Variants in TLE4 observed in about 807,000 individuals in gnomAD.
TLE4 encodes transducin-like enhancer protein 4.
In TLE4, 8 loss-of-function variants were observed where a neutral mutation model predicts 92.8. The ratio of observed to expected loss-of-function variants is 0.09; its 90% CI spans 0.05 to 0.16. TLE4 has a LOEUF of 0.16. Among genes scored for constraint, TLE4 ranks in the 10% least tolerant of loss-of-function variants. The pLI, the probability that TLE4 is intolerant of heterozygous loss-of-function variation, is 1.00. For synonymous variants in TLE4, 371 were observed against 374.1 expected (o/e 0.99, Z 0.10); for missense variants, 675 against 997.6 (o/e 0.68, Z 4.36).
chr9:79,593,897 A>G (rs1305993967), intron 4 of TLE4, among the ~76,000 whole-genome samples: 2 of 152,222 alleles, frequency 1.3e-5, no homozygotes, highest in Admixed American at 1.3e-4. Context: ...TCAACTCCTT[A>G]TAGGCAATAC....
chr9:79,702,857 C>T (rs1291344500), intron 8 of TLE4, among the ~76,000 whole-genome samples: 1 of 152,132 alleles, frequency 6.6e-6, no homozygotes, highest in Non-Finnish European at 1.5e-5. Context: ...GAAGAAAGAC[C>T]ATCAATCTTC....
At chr9:79,709,739 C>T (rs1372323032) in intron 14 of TLE4, 40 bp downstream of exon 14, 1 of 1,580,130 alleles carries the variant, frequency 6.3e-7, no homozygotes, top group Non-Finnish European at 8.7e-7. Flanking sequence ...GTGTGTCAAA[C>T]TCAGGTCCCT....
intron 4 of TLE4, among the ~76,000 whole-genome samples, chr9:79,594,568 A>G (rs1266955303): frequency 1.3e-5 from 2 of 151,796 alleles, no homozygotes; most frequent in Non-Finnish European, 2.9e-5. Context: ...TATTGAAGTC[A>G]TTTTAATAGT....
chr9:79,665,733 T>C (rs1295897733), intron 8 of TLE4, among the ~76,000 whole-genome samples: 2 of 151,646 alleles, frequency 1.3e-5, no homozygotes, highest in African/African-American at 4.8e-5. Context: ...ATATTTATCA[T>C]CTGATTTTTT....
chr9:79,630,476 G>A (rs2133647343), intron 6 of TLE4, among the ~76,000 whole-genome samples: 1 of 152,232 alleles, frequency 6.6e-6, no homozygotes, highest in East Asian at 1.9e-4. Context: ...TCCCATCGTT[G>A]ATATTTTGTG....
intron 6 of TLE4, among the ~76,000 whole-genome samples, chr9:79,644,438 C>A (rs899687728): frequency 2.1e-4 from 32 of 152,150 alleles, no homozygotes; most frequent in African/African-American, 7.2e-4. Flanking sequence ...TCATACAATT[C>A]TTCCAGCAAC....
Position 79,574,860 on chromosome 9 carries a change from A to T in TLE4, c.144-13A>T. ...AAGATCATTGTACTTAGAGTATCTT[A>T]TGTCTTGAACAGTCTGAAGCTGGAA... On this transcript the variant is annotated splice_polypyrimidine_tract_variant and intron_variant, in intron 2 of 19. Transcript: ENST00000376552. 1 of 1,610,596 alleles carries T rather than the reference A, an allele frequency of 6.2e-7. No homozygotes were observed. The highest frequency in any genetic ancestry group is 1.7e-4 in the Middle Eastern group (1 of 6,052).
intron 1 of TLE4, chr9:79,573,376 G>C: frequency 8.6e-7 from 1 of 1,163,846 alleles, no homozygotes; most frequent in Non-Finnish European, 1.1e-6. Context: ...TCCGGGTGAG[G>C]AGGGAGTGGG....
chr9:79,572,129 A>C lies in TLE4; in HGVS notation c.-662A>C, dbSNP rs910698450. ...AAGCGTTTCACTCTTTTATTTTTAT[A>C]ATCCCCTTCAATTTGGGGTTAAAAA... On this transcript the variant is annotated 5_prime_UTR_variant, in exon 1 of 20. Transcript: ENST00000376552. The C allele has an allele frequency of 6.6e-6, 1 of 152,076 alleles. No individual in the cohort carries two copies. Among genetic ancestry groups the C allele is most frequent in the Non-Finnish European group, 1.5e-5 (1 of 68,010 alleles). 9.4% of individuals were successfully genotyped at this position (152,076 alleles called of 1,614,324 possible). A position where few individuals can be genotyped will look rare whatever the true frequency, so the allele number is the denominator to read the frequency against.
chr9:79,698,829 A>T (rs932351516), intron 8 of TLE4, among the ~76,000 whole-genome samples: 3 of 150,300 alleles, frequency 2.0e-5, no homozygotes, highest in African/African-American at 7.3e-5. Flanking sequence ...AAGGTTTTAT[A>T]TTTACTTTTT....
chr9:79,703,613 T>C lies in TLE4; in HGVS notation c.610-1170T>C, dbSNP rs534802991. Among the ~76,000 whole-genome samples the C allele has an allele frequency of 6.6e-5, 10 of 152,294 alleles. No homozygotes were observed. In the East Asian group the frequency reaches 1.7e-3, roughly 26 times the overall value. On this transcript the variant is annotated intron_variant, in intron 8 of 19. Coordinates refer to ENST00000376552, the MANE Select transcript of TLE4 (RefSeq NM_007005.6). The stretch of plus-strand genomic sequence containing the variant: ...ACGTCTCTTGTGTGTATAGGAGACT[T>C]CTCCAGTTGAGAGCTCCTTGAAAGC...
rs181880804 is a variant in TLE4 at position 79,719,998 on chromosome 9, G to C, written c.1591-48G>C. 87 of 1,560,666 alleles carry C rather than the reference G, an allele frequency of 5.6e-5. No homozygotes were observed. The East Asian group carries it at 1.9e-3, about 35-fold the overall frequency. ...GGATTTCTGCTCTCATGTTAATGCT[G>C]TTTTCCTTTCCTCATGAGTAATCTC... On this transcript the variant is annotated intron_variant, in intron 15 of 19. Transcript: ENST00000376552.
chr9:79,665,699 A>G (rs528989428), intron 8 of TLE4, among the ~76,000 whole-genome samples: 1 of 152,358 alleles, frequency 6.6e-6, no homozygotes, highest in African/African-American at 2.4e-5. Flanking sequence ...GGAATCGGCA[A>G]AACAATTGAA....
intron 4 of TLE4, among the ~76,000 whole-genome samples, chr9:79,596,293 T>C (rs1257629114): frequency 6.6e-6 from 1 of 152,164 alleles, no homozygotes; most frequent in African/African-American, 2.4e-5. Context: ...TGATATTCTT[T>C]ATACTTTACT....
At chr9:79,706,038 C>A in intron 10 of TLE4, 96 bp downstream of exon 10, 3 of 1,214,380 alleles carry the variant, frequency 2.5e-6, no homozygotes, top group South Asian at 2.4e-5. Context: ...TGAGGTTTGT[C>A]GTTTTGTTAT....
At position 79,607,354 on chromosome 9, in the gene TLE4, C is replaced by T. The variant is rs566308613; in HGVS notation, c.253-5302C>T. ...TCACTCTGATGGTAGTTTCTTTTGC[C>T]GTGTAGAAGCTCTTTAGTTTAATTA... On this transcript the variant is annotated intron_variant, in intron 4 of 19. Transcript: ENST00000376552. 1.1e-4 allele frequency among the ~76,000 whole-genome samples: 16 copies of T among 151,898 alleles called. No individual in the cohort carries two copies. The South Asian group carries it at 1.5e-3, about 14-fold the overall frequency.
At chr9:79,587,767 C>T (rs1336411390) in intron 4 of TLE4, among the ~76,000 whole-genome samples, 1 of 152,112 alleles carries the variant, frequency 6.6e-6, no homozygotes, top group Non-Finnish European at 1.5e-5. Flanking sequence ...GCTAAGAGCA[C>T]ATCAGTAAGT....
At chr9:79,621,539 G>C (rs113663421) in intron 5 of TLE4, among the ~76,000 whole-genome samples, 9 of 152,292 alleles carry the variant, frequency 5.9e-5, no homozygotes, top group African/African-American at 2.2e-4. Flanking sequence ...GAAAAAGCTT[G>C]TCCATGAGGT....
At chr9:79,585,220 C>T (rs1039583777) in intron 4 of TLE4, among the ~76,000 whole-genome samples, 5 of 152,078 alleles carry the variant, frequency 3.3e-5, no homozygotes, top group African/African-American at 1.2e-4. Flanking sequence ...TAATATTTCA[C>T]TTATTCTTAC....
Sources: allele counts gnomAD v4.1 joint callset (sites outside exome capture counted in the v4.1 genomes callset), GRCh38; gene constraint gnomAD v4.1.1; transcripts MANE v1.5; gene names NCBI Gene and HGNC (gene_info 2026-07-23, HGNC 2026-07-21).